TOR1AIP1: variants seen among roughly 807,000 people sequenced by gnomAD.
The protein encoded by TOR1AIP1 is torsin-1A-interacting protein 1.
A neutral mutation model predicts 63.3 loss-of-function variants in TOR1AIP1; 54 were observed. The observed-to-expected ratio is 0.85, with a 90% CI of 0.69 to 1.07. The LOEUF (loss-of-function observed/expected upper bound fraction) is 1.07. Among genes scored for constraint, TOR1AIP1 ranks in the 50% least tolerant of loss-of-function variants. The pLI, the probability that TOR1AIP1 is intolerant of heterozygous loss-of-function variation, is 0.00. For missense variants in TOR1AIP1, 736 were observed against 715.0 expected (o/e 1.03, Z -0.33); for synonymous variants, 294 against 273.5 (o/e 1.07, Z -0.74).
At chr1:179,911,835 T>C (rs1031109647) in intron 8 of TOR1AIP1, among the ~76,000 whole-genome samples, 1 of 152,154 alleles carries the variant, frequency 6.6e-6, no homozygotes, top group Non-Finnish European at 1.5e-5. Flanking sequence ...CTCATAATTA[T>C]CAGGGCTTAT....
rs747615830 is a variant in TOR1AIP1 at position 179,882,602 on chromosome 1, C to T, written c.100C>T (p.Pro34Ser). Residue 34 changes from proline (P) to serine (S), a missense_variant, in exon 1 of 10, where the codon CCT becomes TCT. This residue lies in a region of TOR1AIP1 where 464 missense variants were observed against 371.0 expected (regional missense o/e 1.25). Coordinates refer to ENST00000606911, the MANE Select transcript of TOR1AIP1 (RefSeq NM_015602.4). The stretch of plus-strand genomic sequence containing the variant: ...CCGAGAGGGAAGGGGCCGGCTCGCC[C>T]CTCAAAATGGCGGCAGCAGCGATGC... Reference protein sequence around the residue: ...PIREGRGRLAPQNGGSSDAPA... With the variant: ...PIREGRGRLASQNGGSSDAPA... 4.6e-6 allele frequency: 7 copies of T among 1,527,860 alleles called. No homozygotes were observed. The South Asian group carries it at 6.5e-5, about 14-fold the overall frequency. 94.6% of individuals were successfully genotyped at this position (1,527,860 alleles called of 1,614,324 possible). A position where few individuals can be genotyped will look rare whatever the true frequency, so the allele number is the denominator to read the frequency against.
At chr1:179,883,567 G>T (rs1160331360) in intron 1 of TOR1AIP1, 1 of 454,636 alleles carries the variant, frequency 2.2e-6, no homozygotes, top group Non-Finnish European at 4.4e-6. Context: ...TTCCTGAACT[G>T]ATGTTCCCCA....
chr1:179,907,609 A>ATG (rs1648684915), intron 6 of TOR1AIP1, among the ~76,000 whole-genome samples: 2 of 23,384 alleles, frequency 8.6e-5, no homozygotes, highest in South Asian at 2.1e-3. Context: ...ATATATATAT[A>ATG]TATATATATG....
chr1:179,907,495 A>G (rs1648676501), intron 6 of TOR1AIP1, among the ~76,000 whole-genome samples: 1 of 149,230 alleles, frequency 6.7e-6, no homozygotes, highest in South Asian at 2.1e-4. Flanking sequence ...TGTAGTTTTT[A>G]TTTTGATGGT....
intron 1 of TOR1AIP1, chr1:179,883,602 C>T (rs1292910911): frequency 8.8e-6 from 4 of 456,124 alleles, no homozygotes; most frequent in African/African-American, 2.0e-5. Context: ...GAGCTGATTG[C>T]TGTTTCTCCA....
At chr1:179,907,420 C>T (rs1379200854) in intron 6 of TOR1AIP1, among the ~76,000 whole-genome samples, 1 of 144,212 alleles carries the variant, frequency 6.9e-6, no homozygotes, top group Non-Finnish European at 1.5e-5. Context: ...CAGAGTCAGA[C>T]CCTGTCTCAA....
In TOR1AIP1 at chr1:179,917,677, A is replaced by G; in HGVS notation, c.1190A>G (p.His397Arg). The change falls in exon 10 of 10, where the codon CAT (histidine) becomes CGT (arginine). Residue 397 changes from histidine to arginine, a missense_variant. By Grantham distance (29) the His-to-Arg change is conservative. This residue lies in a region of TOR1AIP1 where 272 missense variants were observed against 344.1 expected (regional missense o/e 0.79). Transcript: ENST00000606911. ...WKRSQTFLEKHLNSSHPRSQP... is the reference protein window; with the variant it reads ...WKRSQTFLEKRLNSSHPRSQP... The stretch of plus-strand genomic sequence containing the variant: ...AGGAGCCAAACATTCCTGGAAAAAC[A>G]TCTTAATAGCTCCCATCCTCGGTCT... 3.1e-6 allele frequency: 5 copies of G among 1,614,242 alleles called. No individual in the cohort carries two copies. The highest frequency in any genetic ancestry group is 4.2e-6 in the Non-Finnish European group (5 of 1,180,046).
chr1:179,894,155 G>A (rs1251626537), intron 3 of TOR1AIP1, among the ~76,000 whole-genome samples: 1 of 151,014 alleles, frequency 6.6e-6, no homozygotes, highest in Admixed American at 6.6e-5. Flanking sequence ...GGAGGCTGAG[G>A]CAGGAGAATG....
rs531622755 is a variant in TOR1AIP1, at chr1:179,883,043, T to G, written c.475+66T>G. On this transcript the variant is annotated intron_variant, in intron 1 of 9. Transcript: ENST00000606911. The stretch of plus-strand genomic sequence containing the variant: ...GAACGCGCGGGGGCGGGCGCGCGCC[T>G]CGGTGGAGCTCATGCCCGCCTGGGT... 1.5e-4 allele frequency: 208 copies of G among 1,426,968 alleles called. 1 individual carries two copies. The East Asian group carries it at 5.0e-3, about 35-fold the overall frequency. 88.4% of individuals were successfully genotyped at this position (1,426,968 alleles called of 1,614,324 possible).
chr1:179,893,685 C>T (rs1050850108), intron 3 of TOR1AIP1, among the ~76,000 whole-genome samples: 10 of 152,094 alleles, frequency 6.6e-5, no homozygotes, highest in African/African-American at 2.4e-4. Context: ...AAATGATCCA[C>T]CTTCCTTGGC....
At chr1:179,896,114 G>A (rs1648255484) in intron 3 of TOR1AIP1, among the ~76,000 whole-genome samples, 1 of 152,086 alleles carries the variant, frequency 6.6e-6, no homozygotes, top group Admixed American at 6.5e-5. Context: ...TAAAAAGGTG[G>A]AATGTTTAAA....
intron 9 of TOR1AIP1, among the ~76,000 whole-genome samples, chr1:179,916,044 A>C (rs1469923898): frequency 2.0e-5 from 3 of 152,234 alleles, no homozygotes; most frequent in African/African-American, 7.2e-5. Flanking sequence ...TTGTTCAGAA[A>C]GAATATTGAC....
At chr1:179,888,523 C>T (rs1647972679) in intron 2 of TOR1AIP1, among the ~76,000 whole-genome samples, 1 of 152,080 alleles carries the variant, frequency 6.6e-6, no homozygotes, top group Non-Finnish European at 1.5e-5. Flanking sequence ...GTGTGAAATA[C>T]TGAGATAGAT....
In TOR1AIP1 at chr1:179,883,007, C is replaced by T. The variant is rs768385733; in HGVS notation, c.475+30C>T. The T allele has an allele frequency of 2.2e-4, 346 of 1,585,200 alleles. 2 individuals carry two copies. The Middle Eastern group carries it at 4.7e-3, about 21-fold the overall frequency. On this transcript the variant is annotated intron_variant, in intron 1 of 9. Coordinates refer to ENST00000606911, the MANE Select transcript of TOR1AIP1 (RefSeq NM_015602.4). ...GGACCGCGGAGGTAACAGTCCCAGC[C>T]GCGAGCCAGGGAACGCGCGGGGGCG...
At chr1:179,908,310 G>C (rs1442238322) in intron 7 of TOR1AIP1, among the ~76,000 whole-genome samples, 3 of 152,088 alleles carry the variant, frequency 2.0e-5, no homozygotes, top group Admixed American at 6.6e-5. Flanking sequence ...CCACGGATTG[G>C]TACTACCTAT....
intron 1 of TOR1AIP1, 84 bp downstream of exon 1, chr1:179,883,061 G>A: frequency 3.2e-6 from 4 of 1,243,842 alleles, no homozygotes; most frequent in South Asian, 1.3e-5. Flanking sequence ...GCTCATGCCC[G>A]CCTGGGTACT....
intron 3 of TOR1AIP1, among the ~76,000 whole-genome samples, chr1:179,892,706 C>A (rs1158379025): frequency 6.8e-6 from 1 of 147,988 alleles, no homozygotes; most frequent in Non-Finnish European, 1.5e-5. Flanking sequence ...CCACTGCACT[C>A]CAGCCTGGGG....
intron 5 of TOR1AIP1, among the ~76,000 whole-genome samples, chr1:179,902,679 G>C (rs1308460094): frequency 1.3e-5 from 2 of 152,124 alleles, no homozygotes; most frequent in African/African-American, 4.8e-5. Context: ...GAATTTCTGG[G>C]TTCCATTCCT....
intron 5 of TOR1AIP1, among the ~76,000 whole-genome samples, chr1:179,903,106 A>T (rs535681103): frequency 1.2e-3 from 189 of 152,254 alleles, no homozygotes; most frequent in Non-Finnish European, 2.1e-3. Context: ...TATAAATTCT[A>T]CTTTTATTTG....
Sources: allele counts gnomAD v4.1 joint callset (sites outside exome capture counted in the v4.1 genomes callset), GRCh38; gene constraint gnomAD v4.1.1; regional missense constraint gnomAD v4.1.1; transcripts MANE v1.5; gene names NCBI Gene and HGNC (gene_info 2026-07-23, HGNC 2026-07-21).